Variants in POT1 observed in about 807,000 individuals in gnomAD.
The protein encoded by POT1 is protection of telomeres protein 1.
Under a neutral mutation model 78.5 loss-of-function variants are expected in POT1, and 47 were observed. That is an observed-to-expected ratio of 0.60 (90% CI 0.47 to 0.76). POT1 has a LOEUF of 0.76. Ranked by LOEUF, POT1 falls within the 30% of genes least tolerant of loss-of-function variation. The pLI, the probability that POT1 is intolerant of heterozygous loss-of-function variation, is 0.00. For missense variants in POT1, 646 were observed against 749.9 expected (o/e 0.86, Z 1.62); for synonymous variants, 259 against 260.7 (o/e 0.99, Z 0.06).
At chr7:124,864,686 T>C (rs1795678474) in intron 7 of POT1, among the ~76,000 whole-genome samples, 1 of 152,180 alleles carries the variant, frequency 6.6e-6, no homozygotes, top group South Asian at 2.1e-4. Flanking sequence ...CTTCCTATTT[T>C]ACGCGTTCTA....
At chr7:124,919,547 T>C (rs1797097352) in intron 2 of POT1, among the ~76,000 whole-genome samples, 1 of 152,100 alleles carries the variant, frequency 6.6e-6, no homozygotes, top group South Asian at 2.1e-4. Flanking sequence ...GTGCCTCTTT[T>C]GTGCCACCAG....
chr7:124,879,180 C>T (rs1796059064), intron 6 of POT1, among the ~76,000 whole-genome samples: 1 of 152,060 alleles, frequency 6.6e-6, no homozygotes, highest in Non-Finnish European at 1.5e-5. Flanking sequence ...AACAAATAAT[C>T]CAGGAGGTGA....
intron 5 of POT1, among the ~76,000 whole-genome samples, chr7:124,896,073 CA>C (rs1290020010): frequency 1.3e-5 from 2 of 151,534 alleles, no homozygotes; most frequent in African/African-American, 4.8e-5. Context: ...ACTATATTCT[CA>C]AAAAAATACA....
intron 6 of POT1, among the ~76,000 whole-genome samples, chr7:124,880,242 C>T (rs993552665): frequency 5.3e-5 from 8 of 152,062 alleles, no homozygotes; most frequent in African/African-American, 1.9e-4. Context: ...GTGATAAACA[C>T]AAGGGCAAAG....
intron 6 of POT1, among the ~76,000 whole-genome samples, chr7:124,885,553 T>C (rs1475854303): frequency 6.6e-6 from 1 of 151,800 alleles, no homozygotes; most frequent in African/African-American, 2.4e-5. Context: ...GATCATGAGG[T>C]CAGGAGATCG....
chr7:124,855,661 A>T (rs1415063773), intron 9 of POT1, among the ~76,000 whole-genome samples: 1 of 150,788 alleles, frequency 6.6e-6, no homozygotes, highest in Non-Finnish European at 1.5e-5. Flanking sequence ...TTTAAATACT[A>T]AAAAAAAACT....
At chr7:124,884,672 A>AT (rs1163515022) in intron 6 of POT1, among the ~76,000 whole-genome samples, 1 of 152,064 alleles carries the variant, frequency 6.6e-6, no homozygotes, top group East Asian at 1.9e-4. Context: ...CAAACAATGA[A>AT]TATTTTGCCT....
intron 6 of POT1, among the ~76,000 whole-genome samples, chr7:124,882,933 A>C (rs1461411940): frequency 6.6e-6 from 1 of 152,016 alleles, no homozygotes; most frequent in East Asian, 1.9e-4. Context: ...AGGGAGAGGA[A>C]AGTGTCTTTT....
intron 2 of POT1, among the ~76,000 whole-genome samples, chr7:124,920,568 T>C (rs190367554): frequency 6.6e-6 from 1 of 152,008 alleles, no homozygotes; most frequent in Non-Finnish European, 1.5e-5. Flanking sequence ...TTTAATAAAA[T>C]TCAAAAAACA....
chr7:124,895,089 A>G (rs967420009), intron 5 of POT1, among the ~76,000 whole-genome samples: 1 of 151,660 alleles, frequency 6.6e-6, no homozygotes, highest in Non-Finnish European at 1.5e-5. Flanking sequence ...ATAATCTAGA[A>G]CAGTACTATC....
At chr7:124,926,645 A>G (rs1797280770) in intron 2 of POT1, among the ~76,000 whole-genome samples, 1 of 152,222 alleles carries the variant, frequency 6.6e-6, no homozygotes, top group African/African-American at 2.4e-5. Context: ...TGTATACCAC[A>G]GCAGTATTCA....
intron 5 of POT1, among the ~76,000 whole-genome samples, chr7:124,893,380 T>C (rs887839100): frequency 1.3e-5 from 2 of 151,456 alleles, no homozygotes; most frequent in Non-Finnish European, 3.0e-5. Flanking sequence ...AATGAAACCC[T>C]ACCCCAAAGA....
intron 16 of POT1, among the ~76,000 whole-genome samples, 191 bp from the exon 17 acceptor site, chr7:124,827,496 G>A (rs535497703): frequency 1.6e-4 from 25 of 152,302 alleles, no homozygotes; most frequent in Middle Eastern, 3.4e-3. Context: ...CCCAGCTGGC[G>A]TCTGCTGAGG....
At chr7:124,850,978 A>C (rs1795293153) in intron 11 of POT1, among the ~76,000 whole-genome samples, 1 of 151,516 alleles carries the variant, frequency 6.6e-6, no homozygotes, top group Non-Finnish European at 1.5e-5. Flanking sequence ...AGTAGAAATT[A>C]AGACAGGCCA....
intron 13 of POT1, 62 bp downstream of exon 13, chr7:124,842,745 A>C (rs1032719130): frequency 1.6e-6 from 2 of 1,265,120 alleles, no homozygotes; most frequent in African/African-American, 3.1e-5. Context: ...AAAATTATAC[A>C]TATGTGTACA....
rs565887600 is a variant in POT1 at position 124,850,969 on chromosome 7, G to A, written c.949+903C>T. Among the ~76,000 whole-genome samples, 14 of 150,672 alleles carry A rather than the reference G, an allele frequency of 9.3e-5. No individual in the cohort carries two copies. The East Asian group carries it at 2.6e-3, about 28-fold the overall frequency. ...AGATTCTAGGTCCCAAAATGCAGAA[G>A]TAGAAATTAAGACAGGCCAGGTGTG... On this transcript the variant is annotated intron_variant, in intron 11 of 18. Transcript: ENST00000357628.
chr7:124,849,301 C>G (rs1019965251), intron 11 of POT1, among the ~76,000 whole-genome samples: 1 of 152,046 alleles, frequency 6.6e-6, no homozygotes. Context: ...TGCCCACAAA[C>G]TGACAAAAAT....
At chr7:124,917,889 C>T (rs76972673) in intron 2 of POT1, among the ~76,000 whole-genome samples, 2,184 of 152,206 alleles carry the variant, frequency 0.014, 28 homozygotes, top group South Asian at 0.039. Flanking sequence ...GAAGAAAACT[C>T]TAGAACTTGG....
At chr7:124,852,279 T>G (rs1164382563) in intron 10 of POT1, among the ~76,000 whole-genome samples, 1 of 152,108 alleles carries the variant, frequency 6.6e-6, no homozygotes, top group Admixed American at 6.6e-5. Context: ...TCAGTGAAAT[T>G]GATATAAAAG....
Sources: allele counts gnomAD v4.1 joint callset (sites outside exome capture counted in the v4.1 genomes callset), GRCh38; gene constraint gnomAD v4.1.1; transcripts MANE v1.5; gene names NCBI Gene and HGNC (gene_info 2026-07-23, HGNC 2026-07-21).